Variants in KIAA2012 observed in about 807,000 individuals in gnomAD.
KIAA2012 encodes the protein KIAA2012.
A neutral mutation model predicts 150.6 loss-of-function variants in KIAA2012; 125 were observed. The observed-to-expected ratio is 0.83, with a 90% CI of 0.72 to 0.96. KIAA2012 has a LOEUF of 0.96. KIAA2012 is among the 40% of genes least tolerant of loss of function. KIAA2012 has a pLI of 0.00. For synonymous variants in KIAA2012, 462 were observed against 504.7 expected (o/e 0.92, Z 1.13); for missense variants, 1,219 against 1,354.9 (o/e 0.90, Z 1.57).
intron 21 of KIAA2012, among the ~76,000 whole-genome samples, chr2:202,195,080 A>AT (rs1271226030): frequency 1.3e-5 from 2 of 151,910 alleles, no homozygotes; most frequent in Non-Finnish European, 2.9e-5. Context: ...ATTATTAGTT[A>AT]TTTTTAATTG....
intron 12 of KIAA2012, 80 bp from the exon 13 acceptor site, chr2:202,138,352 G>A (rs1691124052): frequency 1.1e-6 from 1 of 915,404 alleles, no homozygotes; most frequent in African/African-American, 1.6e-5. Context: ...AGGTGTGTGT[G>A]TGTGTATGGT....
chr2:202,121,753 C>T (rs1325929110), intron 11 of KIAA2012, among the ~76,000 whole-genome samples: 1 of 152,212 alleles, frequency 6.6e-6, no homozygotes, highest in Non-Finnish European at 1.5e-5. Flanking sequence ...GCACTGCAGT[C>T]ACTGCCCTCA....
chr2:202,119,897 G>A (rs139935201), intron 11 of KIAA2012, among the ~76,000 whole-genome samples: 93 of 152,314 alleles, frequency 6.1e-4, no homozygotes, highest in African/African-American at 1.9e-3. Context: ...GGAGGAACCC[G>A]GTGGGAGGTG....
chr2:202,161,118 C>T (rs186943833), intron 14 of KIAA2012, among the ~76,000 whole-genome samples: 2 of 152,284 alleles, frequency 1.3e-5, no homozygotes, highest in African/African-American at 2.4e-5. Context: ...GAAACTGAGG[C>T]TCAGGGGTTA....
chr2:202,166,331 T>G (rs971775569), intron 15 of KIAA2012, among the ~76,000 whole-genome samples: 1 of 151,818 alleles, frequency 6.6e-6, no homozygotes, highest in Non-Finnish European at 1.5e-5. Context: ...GAAGAGGGAG[T>G]GCCAAGGAAT....
intron 15 of KIAA2012, among the ~76,000 whole-genome samples, chr2:202,171,489 C>T (rs1251004978): frequency 1.3e-5 from 2 of 152,218 alleles, no homozygotes; most frequent in Non-Finnish European, 2.9e-5. Flanking sequence ...CGAGGTCGTC[C>T]CGGCCTTACA....
chr2:202,138,425 A>G lies in KIAA2012; in HGVS notation c.1832-7A>G. On this transcript the variant is annotated splice_polypyrimidine_tract_variant and splice_region_variant and intron_variant, in intron 12 of 23. Coordinates refer to ENST00000498697, the MANE Select transcript of KIAA2012 (RefSeq NM_001277372.4). ...TGATCTTTTTTCCTCTTTGATTTTC[A>G]CTACAGCAAACACTGAACCTAGAGC... is the stretch of plus-strand genomic sequence containing the variant. 1.9e-6 allele frequency: 3 copies of G among 1,550,132 alleles called. No homozygotes were observed. Among genetic ancestry groups the G allele is most frequent in the Non-Finnish European group, 1.7e-6 (2 of 1,146,464 alleles).
chr2:202,188,643 A>ATGG (rs1692274218), intron 18 of KIAA2012, among the ~76,000 whole-genome samples: 1 of 152,212 alleles, frequency 6.6e-6, no homozygotes, highest in Non-Finnish European at 1.5e-5. Flanking sequence ...AGGTTGGGTG[A>ATGG]CTTACATAAT....
At chr2:202,107,860 T>C (rs1690240448) in intron 9 of KIAA2012, among the ~76,000 whole-genome samples, 2 of 152,004 alleles carry the variant, frequency 1.3e-5, no homozygotes, top group African/African-American at 4.8e-5. Flanking sequence ...AATACAAAAA[T>C]TAGCCGGGTG....
At chr2:202,143,075 A>ATTTTTTTTTTTTTTTTTTTT (rs59488285) in intron 13 of KIAA2012, among the ~76,000 whole-genome samples, 35 of 124,992 alleles carry the variant, frequency 2.8e-4, no homozygotes, top group Non-Finnish European at 3.7e-4. Context: ...CACTGGTTTA[A>ATTTTTTTTTTTTTTTTTTTT]TTTTTTTTTT....
intron 13 of KIAA2012, among the ~76,000 whole-genome samples, chr2:202,144,517 C>G (rs753495623): frequency 6.6e-6 from 1 of 150,854 alleles, no homozygotes; most frequent in Non-Finnish European, 1.5e-5. Context: ...AACATGCACA[C>G]GAAAAAAAAA....
intron 15 of KIAA2012, among the ~76,000 whole-genome samples, chr2:202,168,835 G>C (rs1297185732): frequency 6.6e-6 from 1 of 152,098 alleles, no homozygotes; most frequent in Non-Finnish European, 1.5e-5. Flanking sequence ...GGAACAATGT[G>C]GGGGTGGGGA....
chr2:202,130,347 G>A (rs1187912550), intron 12 of KIAA2012, among the ~76,000 whole-genome samples: 1 of 152,168 alleles, frequency 6.6e-6, no homozygotes, highest in Non-Finnish European at 1.5e-5. Context: ...AAGTAGCCAG[G>A]ATCTGCTGTT....
chr2:202,078,444 A>C (rs1465132207), intron 2 of KIAA2012, among the ~76,000 whole-genome samples: 1 of 152,064 alleles, frequency 6.6e-6, no homozygotes, highest in Non-Finnish European at 1.5e-5. Context: ...TCATGCCACC[A>C]TGCCGGGCCA....
At chr2:202,088,462 G>A (rs1008367377) in intron 2 of KIAA2012, among the ~76,000 whole-genome samples, 3 of 152,166 alleles carry the variant, frequency 2.0e-5, no homozygotes, top group Non-Finnish European at 2.9e-5. Context: ...ACATGCCCAA[G>A]GATGGGGCAA....
chr2:202,075,124 GCA>G lies in KIAA2012; in HGVS notation c.324_325del (p.Leu109SerfsTer63). 6.5e-7 allele frequency: 1 copy of G among 1,550,268 alleles called. No individual in the cohort carries two copies. Among genetic ancestry groups the G allele is most frequent in the Admixed American group, 2.0e-5 (1 of 50,992 alleles). ...GPWRKLDLELHTLQDLKEAIL... is the reference protein window; with the variant it reads ...GPWRKLDLELXTLQDLKEAIL... ...CCTGGAGGAAGCTGGATCTTGAACT[GCA>G]CACACTTCAAGACCTCAAAGAAGCC... On this transcript the variant is annotated frameshift_variant, in exon 2 of 24. Coordinates refer to ENST00000498697, the MANE Select transcript of KIAA2012 (RefSeq NM_001277372.4). LOFTEE classifies it high-confidence loss of function.
In KIAA2012 at chr2:202,073,731, A is replaced by T. The variant is rs1214059018; in HGVS notation, c.84+20A>T. The T allele has an allele frequency of 6.5e-7, 1 of 1,547,048 alleles. No homozygotes were observed. Among genetic ancestry groups the T allele is most frequent in the Non-Finnish European group, 8.7e-7 (1 of 1,144,132 alleles). On this transcript the variant is annotated intron_variant, in intron 1 of 23. Transcript: ENST00000498697. ...CCAGAGGTGAGTCCCACAGCTGAAG[A>T]AAGGCACATTTTGGAGGTGGGAGAG... is the stretch of plus-strand genomic sequence containing the variant.
Position 202,105,822 on chromosome 2 carries a change from T to G in KIAA2012, c.1386T>G (p.Pro462=), listed in dbSNP as rs1197686222. The G allele has an allele frequency of 3.9e-6, 6 of 1,550,516 alleles. No individual in the cohort carries two copies. Among genetic ancestry groups the G allele is most frequent in the African/African-American group, 1.4e-5 (1 of 73,012 alleles). The stretch of plus-strand genomic sequence containing the variant: ...AAGAATCCACACCTGTGTGGAGACC[T>G]CCCCTGAAGCATGCGTCCTTAGAAA... The part of the protein sequence containing the change: ...SSEESTPVWR[P]PLKHASLETP... Residue 462 remains proline, a synonymous_variant, in exon 9 of 24, where the codon CCT becomes CCG. Coordinates refer to ENST00000498697, the MANE Select transcript of KIAA2012 (RefSeq NM_001277372.4).
chr2:202,189,362 G>C (rs1022900040), intron 18 of KIAA2012, among the ~76,000 whole-genome samples: 1 of 151,714 alleles, frequency 6.6e-6, no homozygotes, highest in East Asian at 1.9e-4. Context: ...CATGATCTCG[G>C]CTCACTGCAA....
Sources: allele counts gnomAD v4.1 joint callset (sites outside exome capture counted in the v4.1 genomes callset), GRCh38; gene constraint gnomAD v4.1.1; transcripts MANE v1.5; gene names NCBI Gene and HGNC (gene_info 2026-07-23, HGNC 2026-07-21).